The following PXDNL variants were observed in gnomAD, a reference collection of about 807,000 sequenced individuals.
PXDNL encodes probable oxidoreductase PXDNL.
PXDNL carries 145 observed loss-of-function variants against 150.8 expected under a neutral mutation model. That is an observed-to-expected ratio of 0.96 (90% CI 0.84 to 1.10). PXDNL has a LOEUF of 1.10. Among genes scored for constraint, PXDNL ranks in the 50% least tolerant of loss-of-function variants. The pLI, the probability that PXDNL is intolerant of heterozygous loss-of-function variation, is 0.00. For synonymous variants in PXDNL, 757 were observed against 725.7 expected (o/e 1.04, Z -0.69); for missense variants, 2,087 against 1,873.9 (o/e 1.11, Z -2.10).
intron 4 of PXDNL, among the ~76,000 whole-genome samples, chr8:51,525,504 C>G (rs550217462): frequency 3.1e-4 from 47 of 152,336 alleles, no homozygotes; most frequent in African/African-American, 1.1e-3. Context: ...TATAACATCT[C>G]TTTTCCCTCC....
intron 12 of PXDNL, among the ~76,000 whole-genome samples, chr8:51,427,471 T>G (rs943389311): frequency 2.0e-5 from 3 of 152,136 alleles, no homozygotes; most frequent in Admixed American, 2.0e-4. Context: ...CAAATACTTC[T>G]TATGAACATA....
intron 2 of PXDNL, among the ~76,000 whole-genome samples, chr8:51,644,606 C>T (rs1047971652): frequency 2.4e-4 from 24 of 99,166 alleles, no homozygotes; most frequent in Non-Finnish European, 4.3e-4. Context: ...ACTACAAGCT[C>T]CTGCCACCGC....
intron 1 of PXDNL, among the ~76,000 whole-genome samples, chr8:51,787,186 AAGG>A (rs2037468237): frequency 6.6e-6 from 1 of 152,186 alleles, no homozygotes; most frequent in African/African-American, 2.4e-5. Context: ...GGAGATGTAC[AAGG>A]AGATTAATGA....
intron 5 of PXDNL, among the ~76,000 whole-genome samples, chr8:51,487,628 C>A (rs1009810881): frequency 6.6e-6 from 1 of 152,150 alleles, no homozygotes; most frequent in East Asian, 1.9e-4. Flanking sequence ...CCACATGGCT[C>A]CACTAAATGT....
chr8:51,703,053 T>C (rs1185049674), intron 1 of PXDNL, among the ~76,000 whole-genome samples: 1 of 152,212 alleles, frequency 6.6e-6, no homozygotes, highest in Non-Finnish European at 1.5e-5. Flanking sequence ...TCACTAATGC[T>C]ATCTGAACTC....
chr8:51,748,774 C>T (rs183563542), intron 1 of PXDNL, among the ~76,000 whole-genome samples: 178 of 152,330 alleles, frequency 1.2e-3, no homozygotes, highest in Middle Eastern at 6.8e-3. Context: ...GGGTCTTTCC[C>T]CCTGGTTCCT....
At chr8:51,487,968 A>G (rs1441154071) in intron 5 of PXDNL, among the ~76,000 whole-genome samples, 5 of 152,218 alleles carry the variant, frequency 3.3e-5, no homozygotes, top group Admixed American at 1.3e-4. Context: ...GTCTGCAGAT[A>G]AAGTCATGGT....
intron 2 of PXDNL, among the ~76,000 whole-genome samples, chr8:51,623,760 T>C (rs1018533373): frequency 2.0e-5 from 3 of 152,042 alleles, no homozygotes; most frequent in Non-Finnish European, 4.4e-5. Context: ...AGGGATGCCA[T>C]AAAGTTTGTT....
chr8:51,636,710 A>G (rs923641291), intron 2 of PXDNL, among the ~76,000 whole-genome samples: 3 of 152,374 alleles, frequency 2.0e-5, no homozygotes, highest in Admixed American at 1.3e-4. Flanking sequence ...AAAGGATTTC[A>G]TGTTTATGAA....
chr8:51,655,058 T>G (rs1815122538), intron 1 of PXDNL, among the ~76,000 whole-genome samples: 1 of 152,244 alleles, frequency 6.6e-6, no homozygotes, highest in Non-Finnish European at 1.5e-5. Context: ...TAGGTTTTAT[T>G]TGTATGCCAG....
intron 19 of PXDNL, among the ~76,000 whole-genome samples, chr8:51,368,344 T>A (rs916122283): frequency 2.0e-5 from 3 of 152,118 alleles, no homozygotes; most frequent in African/African-American, 7.2e-5. Flanking sequence ...TAACAAGATA[T>A]AATGATGTAA....
chr8:51,408,293 A>T lies in PXDNL; in HGVS notation c.3331T>A (p.Trp1111Arg), dbSNP rs192194374. Residue 1111 changes from tryptophan to arginine, a missense_variant, in exon 17 of 23, where the codon TGG (tryptophan) becomes AGG (arginine). By Grantham distance (101) the Trp-to-Arg change is moderately radical. Coordinates refer to ENST00000356297, the MANE Select transcript of PXDNL (RefSeq NM_144651.5). ...LRGLFGVAAK[W>R]RAPSYLLSPE... Reference sequence around the variant, plus strand: ...CTGAGAAGGTAGGAGGGTGCCCGCCATTTAGCAGCCACGCCAAACAGCCCC... The same window carrying T: ...CTGAGAAGGTAGGAGGGTGCCCGCCTTTTAGCAGCCACGCCAAACAGCCCC... 118 of 1,613,986 alleles carry T rather than the reference A, an allele frequency of 7.3e-5. No homozygotes were observed. The East Asian group carries it at 2.2e-3, about 30-fold the overall frequency.
At chr8:51,615,862 G>A (rs910035087) in intron 2 of PXDNL, among the ~76,000 whole-genome samples, 2 of 152,190 alleles carry the variant, frequency 1.3e-5, no homozygotes. Flanking sequence ...TAGCCCATCA[G>A]TGCATGATGA....
At chr8:51,588,632 T>C (rs913800898) in intron 3 of PXDNL, among the ~76,000 whole-genome samples, 9 of 152,376 alleles carry the variant, frequency 5.9e-5, no homozygotes, top group Admixed American at 5.9e-4. Flanking sequence ...TATTTCCTCA[T>C]TGAATATTAG....
intron 1 of PXDNL, among the ~76,000 whole-genome samples, chr8:51,725,146 G>A (rs1478731209): frequency 3.9e-5 from 6 of 152,110 alleles, no homozygotes; most frequent in Admixed American, 3.9e-4. Context: ...AAGGTGCTGA[G>A]AACAAGATCA....
chr8:51,387,725 C>T (rs193030917), intron 17 of PXDNL, among the ~76,000 whole-genome samples: 5 of 152,088 alleles, frequency 3.3e-5, no homozygotes, highest in African/African-American at 4.8e-5. Context: ...ATTTCAAAAC[C>T]GCTAAAAATG....
At chr8:51,474,143 C>A (rs1444220493) in intron 7 of PXDNL, among the ~76,000 whole-genome samples, 1 of 152,002 alleles carries the variant, frequency 6.6e-6, no homozygotes, top group Non-Finnish European at 1.5e-5. Context: ...TAGAGAAATT[C>A]AAAAAATGGC....
At chr8:51,739,586 A>AAT (rs1366675170) in intron 1 of PXDNL, among the ~76,000 whole-genome samples, 1 of 152,156 alleles carries the variant, frequency 6.6e-6, no homozygotes, top group Non-Finnish European at 1.5e-5. Context: ...ATATAAGATA[A>AAT]ATACACAAAA....
At chr8:51,360,004 A>G (rs1218099277) in intron 19 of PXDNL, among the ~76,000 whole-genome samples, 3 of 151,830 alleles carry the variant, frequency 2.0e-5, no homozygotes, top group African/African-American at 7.3e-5. Flanking sequence ...TCAATTTGAA[A>G]GCATTACTTG....
Sources: allele counts gnomAD v4.1 joint callset (sites outside exome capture counted in the v4.1 genomes callset), GRCh38; gene constraint gnomAD v4.1.1; transcripts MANE v1.5; gene names NCBI Gene and HGNC (gene_info 2026-07-23, HGNC 2026-07-21).